The following GLT1D1 variants were observed in gnomAD, a reference collection of about 807,000 sequenced individuals.
GLT1D1 encodes the protein glycosyltransferase 1 domain-containing protein 1.
Under a neutral mutation model 28.7 loss-of-function variants are expected in GLT1D1, and 21 were observed. That is an observed-to-expected ratio of 0.73 (90% confidence interval 0.52 to 1.05). The LOEUF (loss-of-function observed/expected upper bound fraction) is 1.05, where lower values mean the gene tolerates loss of function less well. GLT1D1 is among the 50% of genes least tolerant of loss of function. GLT1D1 has a pLI of 0.00. For synonymous variants in GLT1D1, 147 were observed against 124.8 expected, an observed-to-expected ratio of 1.18 and a Z score of -1.19; for missense variants, 343 against 330.6, an observed-to-expected ratio of 1.04 and a Z score of -0.29.
At chr12:128,979,182 C>T (rs1459109031) in intron 7 of GLT1D1, among the ~76,000 whole-genome samples, 2 of 152,320 alleles carry the variant, frequency 1.3e-5, no homozygotes, top group Middle Eastern at 3.4e-3. Flanking sequence ...CAAACGTTGG[C>T]AGGGGAGAAC....
chr12:128,911,900 A>G (rs1381689257), intron 4 of GLT1D1, among the ~76,000 whole-genome samples: 1 of 152,020 alleles, frequency 6.6e-6, no homozygotes, highest in East Asian at 1.9e-4. Flanking sequence ...CTTGCCTGGA[A>G]GGATCTGCCT....
intron 4 of GLT1D1, among the ~76,000 whole-genome samples, chr12:128,924,256 A>G (rs572165342): frequency 1.3e-5 from 2 of 151,896 alleles, no homozygotes; most frequent in South Asian, 4.2e-4. Flanking sequence ...GCGAAACCCC[A>G]TCTCCACTAA....
At chr12:128,970,961 G>A (rs1878980136) in intron 7 of GLT1D1, among the ~76,000 whole-genome samples, 1 of 152,196 alleles carries the variant, frequency 6.6e-6, no homozygotes, top group Non-Finnish European at 1.5e-5. Flanking sequence ...ATTATGCCCC[G>A]GCGTACAAGG....
chr12:128,860,186 C>T (rs780134275), intron 1 of GLT1D1, among the ~76,000 whole-genome samples: 6 of 152,236 alleles, frequency 3.9e-5, no homozygotes, highest in Admixed American at 2.0e-4. Context: ...ATTAGGCTGG[C>T]GCGGTGGCTC....
intron 1 of GLT1D1, among the ~76,000 whole-genome samples, chr12:128,858,847 C>A (rs954866818): frequency 7.1e-6 from 1 of 141,564 alleles, no homozygotes; most frequent in African/African-American, 2.5e-5. Flanking sequence ...TTGGTCTCCA[C>A]AGTCTTTTAT....
intron 4 of GLT1D1, chr12:128,944,221 C>G (rs1014910045): frequency 8.1e-6 from 4 of 492,918 alleles, no homozygotes; most frequent in Non-Finnish European, 1.2e-5. Context: ...AATGCAAGGA[C>G]TATGAGGTTT....
At chr12:128,980,548 C>T (rs1273998829) in intron 7 of GLT1D1, among the ~76,000 whole-genome samples, 3 of 152,266 alleles carry the variant, frequency 2.0e-5, no homozygotes, top group African/African-American at 4.8e-5. Context: ...TGGCCTGGGG[C>T]CACTGGTCCA....
At chr12:128,978,185 G>A (rs1001207511) in intron 7 of GLT1D1, among the ~76,000 whole-genome samples, 3 of 152,050 alleles carry the variant, frequency 2.0e-5, no homozygotes, top group African/African-American at 7.2e-5. Flanking sequence ...CAGTGCGTGT[G>A]TGTGGCTGTC....
intron 2 of GLT1D1, among the ~76,000 whole-genome samples, chr12:128,878,039 T>C (rs1282866648): frequency 6.6e-6 from 1 of 152,204 alleles, no homozygotes; most frequent in Non-Finnish European, 1.5e-5. Flanking sequence ...GAAAAGCAAG[T>C]TGGAATTTGC....
intron 7 of GLT1D1, among the ~76,000 whole-genome samples, chr12:128,979,571 C>G (rs1275917968): frequency 6.6e-6 from 1 of 152,154 alleles, no homozygotes; most frequent in Non-Finnish European, 1.5e-5. Context: ...CTGGGCAACA[C>G]AGTGAAACCC....
rs1956953393 is a variant in GLT1D1 at position 128,879,378 on chromosome 12, T to TTTCTTTCTTTCTTTCTTTC, written c.217+3318_217+3319insCTTTCTTTCTTTCTTTCTT. On this transcript the variant is annotated intron_variant, in intron 2 of 7. Coordinates refer to ENST00000281703, the MANE Select transcript of GLT1D1 (RefSeq NM_144669.3). ...AAAGTGATACTTATTATTTTTTTCT[T>TTTCTTTCTTTCTTTCTTTC]TTTCTTTCTTTCTTTCTTTCTTTCT... 4.6e-3 allele frequency among the ~76,000 whole-genome samples: 320 copies of TTTCTTTCTTTCTTTCTTTC among 69,982 alleles called. 28 individuals are homozygous for TTTCTTTCTTTCTTTCTTTC. The highest frequency in any genetic ancestry group is 0.015 in the Middle Eastern group (2 of 136). 45.9% of individuals were successfully genotyped at this position (69,982 alleles called of 152,430 possible).
At chr12:128,926,965 A>G in intron 4 of GLT1D1, 140 bp from the exon 8 acceptor site, 1 of 547,026 alleles carries the variant, frequency 1.8e-6, no homozygotes, top group Non-Finnish European at 3.2e-6. Flanking sequence ...TATAATTTAA[A>G]TTGCCTAATA....
chr12:128,963,091 A>G (rs2135526104), intron 7 of GLT1D1, among the ~76,000 whole-genome samples: 1 of 152,272 alleles, frequency 6.6e-6, no homozygotes. Flanking sequence ...GATCAGGGAT[A>G]CCCCTTTCCG....
rs143411080 is a variant in GLT1D1, at chr12:128,952,999, C to G, written c.541-4546C>G. 5.0e-4 allele frequency among the ~76,000 whole-genome samples: 76 copies of G among 152,156 alleles called. 1 individual carries two copies. The highest frequency in any genetic ancestry group is 3.4e-3 in the Middle Eastern group (1 of 294). On this transcript the variant is annotated intron_variant, in intron 6 of 7. Coordinates refer to ENST00000281703, the MANE Select transcript of GLT1D1 (RefSeq NM_144669.3). ...GTTTCACCATGTTGGCCTAGCTGGT[C>G]TTGAACTCCTGGCCTCAAGTGATCC...
chr12:128,866,886 G>A (rs1165091844), intron 1 of GLT1D1, among the ~76,000 whole-genome samples: 1 of 151,636 alleles, frequency 6.6e-6, no homozygotes, highest in Non-Finnish European at 1.5e-5. Flanking sequence ...CTCCCAAAGT[G>A]CTGGGATTAC....
At chr12:128,928,044 A>T (rs918184199) in intron 4 of GLT1D1, among the ~76,000 whole-genome samples, 1 of 151,558 alleles carries the variant, frequency 6.6e-6, no homozygotes, top group African/African-American at 2.4e-5. Flanking sequence ...AATAGAAAAA[A>T]AGAAAAGAAA....
chr12:128,936,449 C>A (rs1211441635), intron 4 of GLT1D1, among the ~76,000 whole-genome samples: 1 of 152,212 alleles, frequency 6.6e-6, no homozygotes, highest in Non-Finnish European at 1.5e-5. Context: ...CCACCGCACC[C>A]GGCCATAAAA....
At chr12:128,975,596 G>A (rs892688648) in intron 7 of GLT1D1, among the ~76,000 whole-genome samples, 5 of 152,112 alleles carry the variant, frequency 3.3e-5, no homozygotes, top group African/African-American at 9.7e-5. Flanking sequence ...GACTACAGGC[G>A]CGTGCCACCA....
At chr12:128,965,893 A>C (rs961894766) in intron 7 of GLT1D1, among the ~76,000 whole-genome samples, 17 of 96,734 alleles carry the variant, frequency 1.8e-4, no homozygotes, top group Non-Finnish European at 4.5e-4. Flanking sequence ...ACCCTGTCTC[A>C]AAAATAAAGA....
Sources: gnomAD v4.1 joint callset for allele counts (sites outside exome capture counted in the v4.1 genomes callset) on GRCh38, gnomAD v4.1.1 for gene constraint, MANE v1.5 for transcripts, NCBI Gene and HGNC (gene_info 2026-07-23, HGNC 2026-07-21) for gene names.